The following USP32 variants were observed in gnomAD, a reference collection of about 807,000 sequenced individuals.
USP32 encodes the protein ubiquitin specific peptidase 32.
A neutral mutation model predicts 204.8 loss-of-function variants in USP32; 59 were observed. The ratio of observed to expected loss-of-function variants is 0.29; its 90% CI spans 0.23 to 0.36. The LOEUF is 0.36. Ranked by LOEUF, USP32 falls within the 10% of genes least tolerant of loss-of-function variation. The probability of loss-of-function intolerance (pLI) is 1.00; values close to 1 mark genes in which losing one functional copy is unlikely to be tolerated. For missense variants in USP32, 1,160 were observed against 1,946.4 expected (o/e 0.60, Z 7.60); for synonymous variants, 517 against 678.4 (o/e 0.76, Z 3.70).
At chr17:60,366,131 C>A (rs1349672845) in intron 1 of USP32, among the ~76,000 whole-genome samples, 3 of 151,888 alleles carry the variant, frequency 2.0e-5, no homozygotes, top group Non-Finnish European at 4.4e-5. Flanking sequence ...GCATGTGACA[C>A]CACGCCGGGC....
chr17:60,274,591 C>A (rs780215813), intron 5 of USP32, among the ~76,000 whole-genome samples: 33 of 152,004 alleles, frequency 2.2e-4, no homozygotes, highest in Non-Finnish European at 2.9e-4. Flanking sequence ...CAGAAAAAAA[C>A]CCCAGAAAGC....
At chr17:60,349,542 G>A (rs2088868664) in intron 1 of USP32, among the ~76,000 whole-genome samples, 1 of 125,158 alleles carries the variant, frequency 8.0e-6, no homozygotes, top group African/African-American at 2.9e-5. Context: ...CTACATTCCA[G>A]CCTGGACAAT....
intron 10 of USP32, among the ~76,000 whole-genome samples, chr17:60,254,768 A>C (rs1309065749): frequency 6.6e-6 from 1 of 152,174 alleles, no homozygotes; most frequent in Non-Finnish European, 1.5e-5. Context: ...CTTATGATTC[A>C]TCTTTCTGGT....
chr17:60,262,235 A>G (rs2086471745), intron 9 of USP32, among the ~76,000 whole-genome samples: 1 of 152,232 alleles, frequency 6.6e-6, no homozygotes, highest in African/African-American at 2.4e-5. Flanking sequence ...CTTGTTATTC[A>G]GGCTGGAGTG....
chr17:60,264,905 C>A (rs945951759), intron 9 of USP32, among the ~76,000 whole-genome samples: 5 of 150,062 alleles, frequency 3.3e-5, no homozygotes, highest in African/African-American at 1.2e-4. Context: ...ATATGTACTG[C>A]CAGATTAAGA....
upstream of USP32, among the ~76,000 whole-genome samples, chr17:60,393,727 C>T (rs2089875390): frequency 6.6e-6 from 1 of 151,622 alleles, no homozygotes; most frequent in Middle Eastern, 3.2e-3. Context: ...CCCTGTTGCC[C>T]AGGCTGGAGT....
At chr17:60,252,341 A>C in intron 11 of USP32, 40 bp downstream of exon 11, 2 of 1,461,908 alleles carry the variant, frequency 1.4e-6, no homozygotes, top group South Asian at 2.3e-5. Context: ...TATTTCAAGT[A>C]TGTGAAATTT....
chr17:60,402,176 C>G (rs1189171881), intron 1 of USP32, among the ~76,000 whole-genome samples: 8 of 151,880 alleles, frequency 5.3e-5, no homozygotes, highest in African/African-American at 1.9e-4. Context: ...TAGTGGTTGT[C>G]CCTTCAAAAG....
At chr17:60,357,684 C>T (rs992023650) in intron 1 of USP32, among the ~76,000 whole-genome samples, 4 of 152,124 alleles carry the variant, frequency 2.6e-5, no homozygotes, top group Non-Finnish European at 4.4e-5. Flanking sequence ...ATTAAACATT[C>T]TCAGGCTGAA....
At chr17:60,202,748 T>C (rs1259599259) in intron 26 of USP32, among the ~76,000 whole-genome samples, 2 of 150,186 alleles carry the variant, frequency 1.3e-5, no homozygotes, top group Non-Finnish European at 2.9e-5. Context: ...TTGAGTTGAA[T>C]GGTGGCCTCT....
chr17:60,410,395 G>T (rs530484401), intron 1 of USP32, among the ~76,000 whole-genome samples: 8 of 152,158 alleles, frequency 5.3e-5, no homozygotes, highest in Non-Finnish European at 8.8e-5. Flanking sequence ...CTCGGTGGGC[G>T]CGGTGGCTCA....
intron 2 of USP32, among the ~76,000 whole-genome samples, chr17:60,304,204 A>C (rs1206123169): frequency 3.3e-5 from 5 of 152,108 alleles, no homozygotes; most frequent in African/African-American, 7.2e-5. Context: ...AAAAAAACCC[A>C]AAAATTATAG....
At chr17:60,385,207 C>A (rs985223288) in intron 1 of USP32, among the ~76,000 whole-genome samples, 1 of 152,176 alleles carries the variant, frequency 6.6e-6, no homozygotes, top group African/African-American at 2.4e-5. Flanking sequence ...TCGTGACCCC[C>A]GCCCCTGCCT....
intron 1 of USP32, among the ~76,000 whole-genome samples, chr17:60,404,368 T>G (rs538233136): frequency 4.3e-4 from 65 of 151,662 alleles, no homozygotes; most frequent in African/African-American, 1.5e-3. Context: ...AATAAAAAGT[T>G]TTTTTTTAAT....
intron 9 of USP32, among the ~76,000 whole-genome samples, chr17:60,257,280 A>G (rs1271125548): frequency 6.6e-6 from 1 of 152,148 alleles, no homozygotes; most frequent in African/African-American, 2.4e-5. Flanking sequence ...AGGATTGGAA[A>G]GTCCTTCGGC....
At chr17:60,306,727 AAGG>A (rs2087733984) in intron 2 of USP32, among the ~76,000 whole-genome samples, 1 of 152,186 alleles carries the variant, frequency 6.6e-6, no homozygotes, top group South Asian at 2.1e-4. Flanking sequence ...CCAAATTGGA[AAGG>A]AGGTCGTCAA....
intron 11 of USP32, among the ~76,000 whole-genome samples, chr17:60,248,020 G>T (rs981046632): frequency 1.3e-5 from 2 of 152,082 alleles, no homozygotes; most frequent in Admixed American, 6.6e-5. Flanking sequence ...TGTTCCATTG[G>T]TCTATTTGTC....
intron 29 of USP32, among the ~76,000 whole-genome samples, chr17:60,189,006 C>G (rs1222271813): frequency 1.3e-5 from 2 of 152,212 alleles, no homozygotes; most frequent in East Asian, 3.8e-4. Flanking sequence ...TCCTAAAGAG[C>G]TTTTCCGATT....
Position 60,391,985 on chromosome 17 carries a change from C to A in USP32, c.-46G>T. ...GGGGGGTCGGAGCCTGATCTCGCCC[C>A]CACCCCCCTCCCGCCTTCTCCTCGG... On this transcript the variant is annotated 5_prime_UTR_variant, in exon 1 of 34. Transcript: ENST00000300896. 6.3e-7 allele frequency: 1 copy of A among 1,582,888 alleles called. No homozygotes were observed. The highest frequency in any genetic ancestry group is 8.6e-7 in the Non-Finnish European group (1 of 1,164,084).
Sources: allele counts gnomAD v4.1 joint callset (sites outside exome capture counted in the v4.1 genomes callset), GRCh38; gene constraint gnomAD v4.1.1; transcripts MANE v1.5; gene names NCBI Gene and HGNC (gene_info 2026-07-23, HGNC 2026-07-21).